The following CADPS2 variants were observed in gnomAD, a reference collection of about 807,000 sequenced individuals.
CADPS2 encodes calcium dependent secretion activator 2, also known as calcium-dependent secretion activator 2.
Under a neutral mutation model 172.5 loss-of-function variants are expected in CADPS2, and 93 were observed. The ratio of observed to expected loss-of-function variants is 0.54; its 90% CI spans 0.46 to 0.64. The LOEUF (loss-of-function observed/expected upper bound fraction) is 0.64, where lower values mean the gene tolerates loss of function less well. Ranked by LOEUF, CADPS2 falls within the 30% of genes least tolerant of loss-of-function variation. The probability of loss-of-function intolerance (pLI) is 0.00; values close to 1 mark genes in which losing one functional copy is unlikely to be tolerated. For synonymous variants in CADPS2, 546 were observed against 555.2 expected (o/e 0.98, Z 0.23); for missense variants, 1,420 against 1,565.9 (o/e 0.91, Z 1.57).
chr7:122,745,874 C>T (rs1455271650), intron 1 of CADPS2, among the ~76,000 whole-genome samples: 1 of 151,860 alleles, frequency 6.6e-6, no homozygotes, highest in Admixed American at 6.6e-5. Context: ...TCATAGATAA[C>T]TTAACCTATT....
intron 1 of CADPS2, among the ~76,000 whole-genome samples, chr7:122,765,899 T>C (rs1157866872): frequency 6.6e-6 from 1 of 152,146 alleles, no homozygotes; most frequent in Admixed American, 6.6e-5. Context: ...GCTCAATTCC[T>C]GTAGAGGAAT....
chr7:122,505,223 A>C (rs980121762), intron 9 of CADPS2, among the ~76,000 whole-genome samples: 4 of 152,224 alleles, frequency 2.6e-5, no homozygotes, highest in African/African-American at 7.2e-5. Flanking sequence ...CTTATAAATT[A>C]GTTGTCAAAA....
intron 8 of CADPS2, among the ~76,000 whole-genome samples, chr7:122,521,821 T>C (rs1484019613): frequency 6.6e-6 from 1 of 152,174 alleles, no homozygotes; most frequent in Non-Finnish European, 1.5e-5. Flanking sequence ...TCACATTTTA[T>C]AGAATTGTCC....
rs187258209 is a variant in CADPS2 at position 122,610,093 on chromosome 7, G to A, written c.1223+5088C>T. ...CAGTGTTCGTGGGGAAACACAGAAA[G>A]GCTATTTTAAATTAAAGGCTATTTT... is the stretch of plus-strand genomic sequence containing the variant. On this transcript the variant is annotated intron_variant, in intron 6 of 29. Transcript: ENST00000449022. Among the ~76,000 whole-genome samples the A allele has an allele frequency of 7.3e-5, 11 of 151,584 alleles. No individual in the cohort carries two copies. In the East Asian group the frequency reaches 7.7e-4, roughly 11 times the overall value.
intron 11 of CADPS2, among the ~76,000 whole-genome samples, chr7:122,482,272 A>G (rs930166744): frequency 9.9e-5 from 15 of 152,164 alleles, no homozygotes; most frequent in African/African-American, 3.6e-4. Flanking sequence ...TTCCTCACCA[A>G]CCGCAACCCT....
In CADPS2 at chr7:122,639,110, A is replaced by C. The variant is rs577387347; in HGVS notation, c.787-9782T>G. On this transcript the variant is annotated intron_variant, in intron 3 of 29. Coordinates refer to ENST00000449022, the MANE Select transcript of CADPS2 (RefSeq NM_017954.11). ...CTTCCAAGCAACATGTTTACCAAAA[A>C]AGGAAAAAGCTAATGAAGGCAATGG... Among the ~76,000 whole-genome samples, 64 of 152,322 alleles carry C rather than the reference A, an allele frequency of 4.2e-4. No homozygotes were observed. In the South Asian group the frequency reaches 5.0e-3, roughly 12 times the overall value.
At chr7:122,678,580 T>C (rs765103011) in intron 2 of CADPS2, among the ~76,000 whole-genome samples, 33 of 152,346 alleles carry the variant, frequency 2.2e-4, no homozygotes, top group Non-Finnish European at 4.1e-4. Flanking sequence ...ATGGTCCTCC[T>C]GCACTTAGCC....
chr7:122,365,521 AC>A (rs1414520893), intron 25 of CADPS2, among the ~76,000 whole-genome samples: 1 of 152,138 alleles, frequency 6.6e-6, no homozygotes, highest in Non-Finnish European at 1.5e-5. Flanking sequence ...TTCCAAAGAA[AC>A]CCAGTTAAAT....
At chr7:122,474,106 G>T (rs538486118) in intron 13 of CADPS2, among the ~76,000 whole-genome samples, 3 of 152,104 alleles carry the variant, frequency 2.0e-5, no homozygotes, top group African/African-American at 7.2e-5. Flanking sequence ...GTTCTTTAAA[G>T]TGACTGATAC....
intron 20 of CADPS2, among the ~76,000 whole-genome samples, chr7:122,403,642 G>A (rs2046238405): frequency 6.6e-6 from 1 of 152,018 alleles, no homozygotes. Flanking sequence ...TGAAAATTAT[G>A]TAGTTTTAAT....
chr7:122,348,183 C>T (rs1421092997), intron 27 of CADPS2, among the ~76,000 whole-genome samples: 1 of 152,170 alleles, frequency 6.6e-6, no homozygotes, highest in Non-Finnish European at 1.5e-5. Context: ...GTCACTAGAC[C>T]TATCAGTCTC....
intron 2 of CADPS2, among the ~76,000 whole-genome samples, chr7:122,703,367 T>C (rs1262950224): frequency 2.0e-5 from 3 of 152,112 alleles, no homozygotes; most frequent in African/African-American, 7.2e-5. Context: ...AATATGGCAT[T>C]CTGTGGGATG....
chr7:122,429,595 C>T (rs1452625725), intron 17 of CADPS2, among the ~76,000 whole-genome samples: 1 of 151,972 alleles, frequency 6.6e-6, no homozygotes, highest in Non-Finnish European at 1.5e-5. Context: ...GTCCAAAAAG[C>T]TAAATGGAAA....
At chr7:122,844,558 AG>A (rs1166742143) in intron 1 of CADPS2, among the ~76,000 whole-genome samples, 1 of 152,246 alleles carries the variant, frequency 6.6e-6, no homozygotes, top group African/African-American at 2.4e-5. Context: ...ATTAATGCAC[AG>A]GAAATATTTT....
At chr7:122,652,950 T>C (rs771268570) in intron 3 of CADPS2, among the ~76,000 whole-genome samples, 1 of 152,218 alleles carries the variant, frequency 6.6e-6, no homozygotes, top group African/African-American at 2.4e-5. Context: ...ATTAATATGT[T>C]ACTGGCTCTG....
chr7:122,547,124 T>C (rs758352244), intron 8 of CADPS2, among the ~76,000 whole-genome samples: 2 of 151,872 alleles, frequency 1.3e-5, no homozygotes, highest in Non-Finnish European at 2.9e-5. Flanking sequence ...TAATACATCA[T>C]TCTTACAAAT....
Position 122,734,356 on chromosome 7 carries a change from T to TAAAAAAAAAAAA in CADPS2, c.453+2587_453+2598dup, listed in dbSNP as rs558421546. On this transcript the variant is annotated intron_variant, in intron 2 of 29. Coordinates refer to ENST00000449022, the MANE Select transcript of CADPS2 (RefSeq NM_017954.11). ...AATAACGATAGCATGCCAGAAATAGTAAAAAAAAAAAAAAAAAAAAAAAAA... is the reference window on the plus strand; with the variant it reads ...AATAACGATAGCATGCCAGAAATAGTAAAAAAAAAAAAAAAAAAAAAAAAAAAAAAAAAAAAA... 1.8e-3 allele frequency among the ~76,000 whole-genome samples: 85 copies of TAAAAAAAAAAAA among 46,288 alleles called. 9 individuals are homozygous for TAAAAAAAAAAAA. Among genetic ancestry groups the TAAAAAAAAAAAA allele is most frequent in the African/African-American group, 6.2e-3 (69 of 11,128 alleles). The allele number at this position is 46,288 out of a possible 152,430, so 30.4% of individuals were successfully genotyped here.
chr7:122,826,614 CAG>C (rs1804951604), intron 1 of CADPS2, among the ~76,000 whole-genome samples: 1 of 151,348 alleles, frequency 6.6e-6, no homozygotes, highest in East Asian at 1.9e-4. Context: ...AGCAAGGCAA[CAG>C]AATTTATGAA....
At chr7:122,744,621 T>G (rs1229092146) in intron 1 of CADPS2, among the ~76,000 whole-genome samples, 1 of 152,276 alleles carries the variant, frequency 6.6e-6, no homozygotes, top group East Asian at 1.9e-4. Context: ...TCACACAGTG[T>G]TGACAGGACG....
Sources: allele counts gnomAD v4.1 joint callset (sites outside exome capture counted in the v4.1 genomes callset), GRCh38; gene constraint gnomAD v4.1.1; transcripts MANE v1.5; gene names NCBI Gene and HGNC (gene_info 2026-07-23, HGNC 2026-07-21).